Variants in C3orf20 observed in about 807,000 individuals in gnomAD.
C3orf20 encodes uncharacterized protein C3orf20.
C3orf20 carries 76 observed loss-of-function variants against 88.3 expected under a neutral mutation model. The ratio of observed to expected loss-of-function variants is 0.86; its 90% confidence interval spans 0.72 to 1.04. C3orf20 has a LOEUF of 1.04. Among genes scored for constraint, C3orf20 ranks in the 50% least tolerant of loss-of-function variants. The pLI is 0.00. For missense variants in C3orf20, 1,056 were observed against 1,123.3 expected, an observed-to-expected ratio of 0.94 and a Z score of 0.86; for synonymous variants, 436 against 437.4, an observed-to-expected ratio of 1.00 and a Z score of 0.04.
Position 14,684,309 on chromosome 3 carries a change from CAAG to C in C3orf20, c.553_555del (p.Lys185del). The C allele has an allele frequency of 1.2e-6, 2 of 1,614,128 alleles. No individual in the cohort carries two copies. Among genetic ancestry groups the C allele is most frequent in the Non-Finnish European group, 1.7e-6 (2 of 1,180,030 alleles). On this transcript the variant is annotated inframe_deletion, in exon 4 of 17. Coordinates refer to ENST00000253697, the MANE Select transcript of C3orf20 (RefSeq NM_032137.5). ...CCAGCCAGCTCCTCCACCTCAATGCCAAGGAGATGGCCTTCAACTGCCTGATCA... is the reference window on the plus strand; with the variant it reads ...CCAGCCAGCTCCTCCACCTCAATGCCGAGATGGCCTTCAACTGCCTGATCA...
chr3:14,706,987 T>C (rs147992070), intron 7 of C3orf20, among the ~76,000 whole-genome samples: 7,760 of 152,062 alleles, frequency 0.051, 643 homozygotes, highest in African/African-American at 0.17. Flanking sequence ...TGGTGGCTCG[T>C]GCCTGTAATC....
At position 14,772,239 on chromosome 3, in the gene C3orf20, C is replaced by T; in HGVS notation, c.2630+38C>T. On this transcript the variant is annotated intron_variant, in intron 16 of 16. Transcript: ENST00000253697. This position sits in a 1 kb window ranked among gnomAD's most constrained non-coding sequence, Gnocchi z 4.2. ...ATCAGCTGCCAGAATGGGCGTGGCT[C>T]ACAGCAGGCCACCTCGGGGCTATTT... 1 of 1,613,694 alleles carries T rather than the reference C, an allele frequency of 6.2e-7. No homozygotes were observed. Among genetic ancestry groups the T allele is most frequent in the Non-Finnish European group, 8.5e-7 (1 of 1,179,736 alleles).
intron 15 of C3orf20, 77 bp from the exon 16 acceptor site, chr3:14,771,990 C>T: frequency 6.4e-7 from 1 of 1,568,020 alleles, no homozygotes; most frequent in Non-Finnish European, 8.7e-7. Context: ...TCTGTCCAGG[C>T]TCCCAGAACA....
At chr3:14,760,850 C>T (rs990892359) in intron 14 of C3orf20, among the ~76,000 whole-genome samples, 4 of 151,972 alleles carry the variant, frequency 2.6e-5, no homozygotes, top group South Asian at 2.1e-4. Context: ...CCTTGTGATC[C>T]GCCCACCTTG....
chr3:14,705,892 T>C (rs2033481795), intron 7 of C3orf20, among the ~76,000 whole-genome samples: 2 of 152,222 alleles, frequency 1.3e-5, no homozygotes. Context: ...AGCTAGGCCT[T>C]GGTTCATGGC....
intron 12 of C3orf20, among the ~76,000 whole-genome samples, chr3:14,753,351 T>A (rs779195562): frequency 6.6e-6 from 1 of 152,034 alleles, no homozygotes; most frequent in African/African-American, 2.4e-5. Context: ...GGTCAGGGGC[T>A]GGGGGAGGGA....
At chr3:14,732,439 C>T (rs2034566142) in intron 12 of C3orf20, among the ~76,000 whole-genome samples, 1 of 152,076 alleles carries the variant, frequency 6.6e-6, no homozygotes, top group South Asian at 2.1e-4. Context: ...ATTTTTTATT[C>T]TCTTGACAGT....
intron 5 of C3orf20, among the ~76,000 whole-genome samples, chr3:14,702,324 C>T (rs1359904129): frequency 6.6e-6 from 1 of 152,144 alleles, no homozygotes. Flanking sequence ...CCCTGGGTCC[C>T]TCCCACAACA....
chr3:14,734,999 G>T (rs1340698162), intron 12 of C3orf20, among the ~76,000 whole-genome samples: 1 of 151,642 alleles, frequency 6.6e-6, no homozygotes, highest in Non-Finnish European at 1.5e-5. Context: ...TAGTTTAATT[G>T]CATCAGTTTT....
rs141714657 is a variant in C3orf20 at position 14,714,160 on chromosome 3, G to C, written c.1313+1G>C. ...GTGTTCACTACAACCTAAAAACCAG[G>C]TAAGTGGACTGGGAGAGTACTAGTC... is the stretch of plus-strand genomic sequence containing the variant. On this transcript the variant is annotated splice_donor_variant, in intron 8 of 16. Coordinates refer to ENST00000253697, the MANE Select transcript of C3orf20 (RefSeq NM_032137.5). LOFTEE classifies it high-confidence loss of function. 479 of 1,613,548 alleles carry C rather than the reference G, an allele frequency of 3.0e-4. No individual in the cohort carries two copies. In the African/African-American group the frequency reaches 4.8e-3, roughly 16 times the overall value.
In C3orf20 at chr3:14,757,379, C is replaced by T; in HGVS notation, c.1949C>T (p.Ala650Val). The T allele has an allele frequency of 6.2e-7, 1 of 1,610,758 alleles. No homozygotes were observed. The highest frequency in any genetic ancestry group is 1.1e-5 in the South Asian group (1 of 90,890). ...TGTGCTCCTCCTTGCAGAGGGAAGGCCCGCGAGGGGCGCAGCCCCACCAGG... is the reference window on the plus strand; with the variant it reads ...TGTGCTCCTCCTTGCAGAGGGAAGGTCCGCGAGGGGCGCAGCCCCACCAGG... ...TKAKVTSRGK[A>V]REGRSPTRWA... The change falls in exon 13 of 17, where the codon GCC (alanine) becomes GTC (valine). Residue 650 changes from alanine to valine, a missense_variant. Coordinates refer to ENST00000253697, the MANE Select transcript of C3orf20 (RefSeq NM_032137.5).
intron 10 of C3orf20, among the ~76,000 whole-genome samples, chr3:14,726,333 G>C (rs1256126023): frequency 1.3e-5 from 2 of 152,220 alleles, no homozygotes; most frequent in African/African-American, 4.8e-5. Flanking sequence ...GCCAGAGGCA[G>C]GTTCTCAGCT....
chr3:14,724,291 T>C (rs2034274360), intron 10 of C3orf20, among the ~76,000 whole-genome samples: 1 of 152,222 alleles, frequency 6.6e-6, no homozygotes, highest in Non-Finnish European at 1.5e-5. Context: ...ATGCTTCATT[T>C]TTCTGGCAAC....
intron 12 of C3orf20, among the ~76,000 whole-genome samples, chr3:14,744,523 C>T (rs573157816): frequency 3.8e-4 from 58 of 151,942 alleles, no homozygotes; most frequent in Admixed American, 9.8e-4. Context: ...TCCACATTTT[C>T]GGGTATCTTT....
intron 4 of C3orf20, among the ~76,000 whole-genome samples, chr3:14,689,509 A>G (rs2032607725): frequency 6.6e-6 from 1 of 152,218 alleles, no homozygotes; most frequent in African/African-American, 2.4e-5. Flanking sequence ...TAAGGGTGCT[A>G]CATTTTAATT....
At chr3:14,736,923 T>C (rs1452112897) in intron 12 of C3orf20, among the ~76,000 whole-genome samples, 1 of 152,186 alleles carries the variant, frequency 6.6e-6, no homozygotes, top group Non-Finnish European at 1.5e-5. Context: ...AATTACTTTG[T>C]TTTAGCACTT....
At chr3:14,712,835 T>A (rs967326254) in intron 7 of C3orf20, among the ~76,000 whole-genome samples, 1 of 152,204 alleles carries the variant, frequency 6.6e-6, no homozygotes, top group Non-Finnish European at 1.5e-5. Context: ...GCAGGGCAGG[T>A]CTACTAGTGA....
chr3:14,733,028 A>C (rs1234835348), intron 12 of C3orf20, among the ~76,000 whole-genome samples: 2 of 152,116 alleles, frequency 1.3e-5, no homozygotes, highest in African/African-American at 2.4e-5. Flanking sequence ...AATATGGTGA[A>C]TTACTTTGAT....
chr3:14,754,738 T>C (rs1390889898), intron 12 of C3orf20, among the ~76,000 whole-genome samples: 2 of 152,172 alleles, frequency 1.3e-5, no homozygotes, highest in African/African-American at 4.8e-5. Context: ...TTTTTATTTA[T>C]TTTAGAGACA....
Sources: gnomAD v4.1 joint callset for allele counts (sites outside exome capture counted in the v4.1 genomes callset) on GRCh38, gnomAD v4.1.1 for gene constraint, Gnocchi (gnomAD v3.1) non-coding constraint, MANE v1.5 for transcripts, NCBI Gene and HGNC (gene_info 2026-07-23, HGNC 2026-07-21) for gene names.